Variants in DCTN4 observed in about 807,000 individuals in gnomAD.
DCTN4 encodes the protein dynactin subunit 4.
A neutral mutation model predicts 62.7 loss-of-function variants in DCTN4; 23 were observed. The observed-to-expected ratio is 0.37, with a 90% confidence interval of 0.26 to 0.52. The LOEUF (loss-of-function observed/expected upper bound fraction) is 0.52. Ranked by LOEUF, DCTN4 falls within the 20% of genes least tolerant of loss-of-function variation. DCTN4 has a pLI of 0.92. For synonymous variants in DCTN4, 199 were observed against 202.1 expected (o/e 0.98, Z 0.13); for missense variants, 514 against 580.4 (o/e 0.89, Z 1.18).
intron 3 of DCTN4, among the ~76,000 whole-genome samples, chr5:150,745,141 C>T (rs1355934395): frequency 6.6e-6 from 1 of 150,464 alleles, no homozygotes; most frequent in Non-Finnish European, 1.5e-5. Context: ...GGTTGCAATC[C>T]TAGTCTCTGA....
intron 12 of DCTN4, among the ~76,000 whole-genome samples, chr5:150,713,382 A>G (rs774735046): frequency 2.6e-5 from 4 of 151,610 alleles, no homozygotes; most frequent in Non-Finnish European, 5.9e-5. Flanking sequence ...TCTGAAGTTA[A>G]CCCACGTTTG....
At chr5:150,717,995 A>G (rs17111295) in intron 11 of DCTN4, among the ~76,000 whole-genome samples, 3,084 of 152,330 alleles carry the variant, frequency 0.02, 98 homozygotes, top group African/African-American at 0.068. Flanking sequence ...TAGAAGTATC[A>G]CCCTGGTGGC....
chr5:150,752,237 T>C (rs143315009), intron 3 of DCTN4, among the ~76,000 whole-genome samples: 64 of 152,294 alleles, frequency 4.2e-4, no homozygotes, highest in African/African-American at 1.5e-3. Flanking sequence ...GTACAGAGAA[T>C]GTTTCCACTC....
chr5:150,713,354 A>G (rs1397163901), intron 12 of DCTN4, among the ~76,000 whole-genome samples: 1 of 152,060 alleles, frequency 6.6e-6, no homozygotes, highest in Non-Finnish European at 1.5e-5. Context: ...AAACAAAACA[A>G]CACTTGACCT....
At position 150,755,721 on chromosome 5, in the gene DCTN4, T is replaced by C. The variant is rs567906859; in HGVS notation, c.206+696A>G. Among the ~76,000 whole-genome samples the C allele has an allele frequency of 2.6e-5, 4 of 152,206 alleles. No individual in the cohort carries two copies. In the East Asian group the frequency reaches 7.7e-4, roughly 29 times the overall value. ...CCCAAGAGGAGTCTAGAGACATAACTATAAATATAATGTGATATCCTGAAA... is the reference window on the plus strand; with the variant it reads ...CCCAAGAGGAGTCTAGAGACATAACCATAAATATAATGTGATATCCTGAAA... On this transcript the variant is annotated intron_variant, in intron 2 of 12. Transcript: ENST00000447998.
At chr5:150,733,557 T>C in intron 4 of DCTN4, 82 bp from the exon 5 acceptor site, 2 of 928,778 alleles carry the variant, frequency 2.2e-6, no homozygotes, top group Non-Finnish European at 3.3e-6. Context: ...ACTAGACACA[T>C]AATGAATAGA....
Position 150,711,063 on chromosome 5 carries a change from A to C in DCTN4, c.*86T>G. 4.0e-6 allele frequency: 5 copies of C among 1,243,756 alleles called. No individual in the cohort carries two copies. Among genetic ancestry groups the C allele is most frequent in the Non-Finnish European group, 5.8e-6 (5 of 861,872 alleles). 77.0% of individuals were successfully genotyped at this position (1,243,756 alleles called of 1,614,324 possible). Reference sequence around the variant, plus strand: ...AGTGCATGGGTACATCGTTATAAACAAGGCCTAATGAAGCAGCAGCTTCCA... The same window carrying C: ...AGTGCATGGGTACATCGTTATAAACCAGGCCTAATGAAGCAGCAGCTTCCA... On this transcript the variant is annotated 3_prime_UTR_variant, in exon 13 of 13. Coordinates refer to ENST00000447998, the MANE Select transcript of DCTN4 (RefSeq NM_016221.4).
chr5:150,718,222 G>A, intron 11 of DCTN4, 54 bp downstream of exon 11: 1 of 1,240,986 alleles, frequency 8.1e-7, no homozygotes, highest in South Asian at 1.3e-5. Context: ...CAGGTCAAAT[G>A]AGGACACTCC....
At chr5:150,729,042 C>CTTTTTTTTTTTTTTTTTTT (rs61106544) in intron 8 of DCTN4, among the ~76,000 whole-genome samples, 4 of 52,136 alleles carry the variant, frequency 7.7e-5, no homozygotes, top group African/African-American at 2.3e-4. Flanking sequence ...ACCACACTGG[C>CTTTTTTTTTTTTTTTTTTT]TTTTTTTTTT....
chr5:150,755,559 T>TC (rs1561713218), intron 2 of DCTN4: 2 of 456,100 alleles, frequency 4.4e-6, no homozygotes, highest in Non-Finnish European at 8.8e-6. Flanking sequence ...CAAAATACAT[T>TC]CCCCTAGTCT....
intron 3 of DCTN4, among the ~76,000 whole-genome samples, chr5:150,743,870 A>T (rs1004628104): frequency 6.6e-6 from 1 of 152,226 alleles, no homozygotes; most frequent in African/African-American, 2.4e-5. Flanking sequence ...GGAAACTCTA[A>T]AAAGCAGAGC....
chr5:150,741,627 T>C (rs1166343033), intron 4 of DCTN4, among the ~76,000 whole-genome samples: 1 of 152,118 alleles, frequency 6.6e-6, no homozygotes, highest in Non-Finnish European at 1.5e-5. Flanking sequence ...ACTATAGGCA[T>C]GCGCCACCAC....
chr5:150,756,450 A>G lies in DCTN4; in HGVS notation c.173T>C (p.Met58Thr). The G allele has an allele frequency of 6.2e-7, 1 of 1,604,796 alleles. No homozygotes were observed. The highest frequency in any genetic ancestry group is 8.5e-7 in the Non-Finnish European group (1 of 1,176,564). Residue 58 changes from methionine (M) to threonine (T), a missense_variant, in exon 2 of 13, where the codon ATG (methionine) becomes ACG (threonine). Coordinates refer to ENST00000447998, the MANE Select transcript of DCTN4 (RefSeq NM_016221.4). ...SHYCPSCLEN[M>T]PSAEAKLKKN... Reference sequence around the variant, plus strand: ...TTTTAGTTTGGCTTCAGCCGATGGCATATTTTCTAAACAACTGGGACAATA... The same window carrying G: ...TTTTAGTTTGGCTTCAGCCGATGGCGTATTTTCTAAACAACTGGGACAATA...
chr5:150,730,842 T>A, intron 7 of DCTN4, 102 bp from the exon 8 acceptor site: 2 of 989,470 alleles, frequency 2.0e-6, no homozygotes, highest in East Asian at 4.8e-5. Context: ...TTACGAACAG[T>A]GTTGTTCATA....
chr5:150,715,010 A>G (rs1759702889), intron 12 of DCTN4, among the ~76,000 whole-genome samples: 1 of 152,184 alleles, frequency 6.6e-6, no homozygotes, highest in South Asian at 2.1e-4. Flanking sequence ...ACAAGTGAAC[A>G]ATTATTTATA....
intron 7 of DCTN4, 83 bp downstream of exon 7, chr5:150,730,961 A>C: frequency 3.3e-6 from 3 of 908,924 alleles, no homozygotes; most frequent in Non-Finnish European, 5.2e-6. Context: ...TTCCATTAAA[A>C]ATCTCAAATC....
At chr5:150,715,487 C>G (rs767577092) in intron 12 of DCTN4, 78 bp downstream of exon 12, 4 of 1,114,752 alleles carry the variant, frequency 3.6e-6, no homozygotes, top group Non-Finnish European at 3.9e-6. Context: ...TTAAAAAATC[C>G]AGACAAGAAA....
intron 3 of DCTN4, among the ~76,000 whole-genome samples, chr5:150,743,965 G>C (rs1760864510): frequency 6.6e-6 from 1 of 152,228 alleles, no homozygotes; most frequent in Non-Finnish European, 1.5e-5. Context: ...GTTGAGAGAA[G>C]AAGGCTTCAG....
At chr5:150,748,432 A>G (rs1752540139) in intron 3 of DCTN4, among the ~76,000 whole-genome samples, 1 of 152,190 alleles carries the variant, frequency 6.6e-6, no homozygotes, top group African/African-American at 2.4e-5. Flanking sequence ...CCATCCCATT[A>G]CTGGGTATAT....
Sources: allele counts gnomAD v4.1 joint callset (sites outside exome capture counted in the v4.1 genomes callset), GRCh38; gene constraint gnomAD v4.1.1; transcripts MANE v1.5; gene names NCBI Gene and HGNC (gene_info 2026-07-23, HGNC 2026-07-21).